The following KHDRBS2 variants were observed in gnomAD, a reference collection of about 807,000 sequenced individuals.
KHDRBS2 encodes the protein KH domain-containing, RNA-binding, signal transduction-associated protein 2.
In KHDRBS2, 26 loss-of-function variants were observed where a neutral mutation model predicts 44.3. That is an observed-to-expected ratio of 0.59 (90% confidence interval 0.43 to 0.81). The LOEUF (loss-of-function observed/expected upper bound fraction) is 0.81, where lower values mean the gene tolerates loss of function less well. KHDRBS2 is among the 40% of genes least tolerant of loss of function. The pLI is 0.00. For missense variants in KHDRBS2, 476 were observed against 433.1 expected, an observed-to-expected ratio of 1.10 and a Z score of -0.88; for synonymous variants, 194 against 151.1, an observed-to-expected ratio of 1.28 and a Z score of -2.08.
the KHDRBS2 span, among the ~76,000 whole-genome samples, chr6:61,561,839 T>C: frequency 6.6e-6 from 1 of 152,212 alleles, no homozygotes; most frequent in South Asian, 2.1e-4. Flanking sequence ...ACATATTTGG[T>C]CTTCATTTTA....
At chr6:61,782,304 T>C (rs1319652430) in intron 6 of KHDRBS2, among the ~76,000 whole-genome samples, 1 of 152,066 alleles carries the variant, frequency 6.6e-6, no homozygotes, top group South Asian at 2.1e-4. Context: ...GGCCAAGTTA[T>C]GTCACTTCAT....
At chr6:62,268,877 A>G (rs1008270694) in intron 1 of KHDRBS2, among the ~76,000 whole-genome samples, 12 of 152,094 alleles carry the variant, frequency 7.9e-5, no homozygotes, top group Non-Finnish European at 1.2e-4. Context: ...GCAGAGGGTC[A>G]ATATTGAAAA....
At chr6:61,960,323 T>A (rs538605132) in intron 4 of KHDRBS2, among the ~76,000 whole-genome samples, 1 of 152,194 alleles carries the variant, frequency 6.6e-6, no homozygotes, top group East Asian at 1.9e-4. Flanking sequence ...AAGATTTATT[T>A]TAAAAAAATC....
chr6:62,063,385 A>T (rs1053303170), intron 2 of KHDRBS2, among the ~76,000 whole-genome samples: 2 of 151,598 alleles, frequency 1.3e-5, no homozygotes, highest in Non-Finnish European at 2.9e-5. Flanking sequence ...CCTCAATAAA[A>T]TACTGGCAAA....
chr6:61,834,855 G>T (rs186719891), intron 6 of KHDRBS2, among the ~76,000 whole-genome samples: 127 of 152,074 alleles, frequency 8.4e-4, no homozygotes, highest in African/African-American at 3.0e-3. Context: ...ACTTAATACA[G>T]ATTTATTTTA....
At chr6:62,059,656 C>T (rs549095383) in intron 2 of KHDRBS2, among the ~76,000 whole-genome samples, 3 of 151,520 alleles carry the variant, frequency 2.0e-5, no homozygotes, top group Non-Finnish European at 2.9e-5. Flanking sequence ...ATTTGAGATG[C>T]CTTCCAAATG....
rs1014845774 is a variant in KHDRBS2 at position 61,955,577 on chromosome 6, T to C, written c.483+22489A>G. On this transcript the variant is annotated intron_variant, in intron 4 of 8. Transcript: ENST00000281156. The stretch of plus-strand genomic sequence containing the variant: ...ATGTATACATGTGTATATATACACG[T>C]ATGTATGTATGTATACATGTGTGTA... 3.8e-4 allele frequency among the ~76,000 whole-genome samples: 31 copies of C among 81,416 alleles called. 7 individuals carry two copies. Among genetic ancestry groups the C allele is most frequent in the African/African-American group, 9.5e-4 (26 of 27,474 alleles). 53.4% of individuals were successfully genotyped at this position (81,416 alleles called of 152,430 possible). A position where few individuals can be genotyped will look rare whatever the true frequency, so the allele number is the denominator to read the frequency against.
At chr6:62,083,396 T>A (rs187856677) in intron 2 of KHDRBS2, among the ~76,000 whole-genome samples, 139 of 152,250 alleles carry the variant, frequency 9.1e-4, no homozygotes, top group African/African-American at 3.2e-3. Flanking sequence ...GCATTTACCA[T>A]CTTCAATTCA....
At chr6:62,283,966 A>G (rs910917854) in intron 1 of KHDRBS2, among the ~76,000 whole-genome samples, 12 of 151,984 alleles carry the variant, frequency 7.9e-5, no homozygotes, top group African/African-American at 2.4e-4. Context: ...GTTTTTCTCT[A>G]TTTAGGAGCT....
intron 2 of KHDRBS2, among the ~76,000 whole-genome samples, chr6:62,069,151 G>A (rs569294096): frequency 6.6e-6 from 1 of 151,618 alleles, no homozygotes; most frequent in Admixed American, 6.6e-5. Context: ...TATAACTTTG[G>A]AGTCCTCAAT....
At chr6:61,752,811 A>C (rs1193826427) in intron 6 of KHDRBS2, among the ~76,000 whole-genome samples, 1 of 152,096 alleles carries the variant, frequency 6.6e-6, no homozygotes, top group African/African-American at 2.4e-5. Flanking sequence ...AATAAATACT[A>C]TAGAAAAAAT....
intron 6 of KHDRBS2, among the ~76,000 whole-genome samples, chr6:61,766,639 A>G (rs773418156): frequency 1.3e-5 from 2 of 151,920 alleles, no homozygotes; most frequent in African/African-American, 4.8e-5. Context: ...GCTGTATCTC[A>G]TAGGTTTTGG....
intron 3 of KHDRBS2, among the ~76,000 whole-genome samples, chr6:61,988,259 G>T (rs577379462): frequency 6.6e-6 from 1 of 152,150 alleles, no homozygotes; most frequent in East Asian, 1.9e-4. Flanking sequence ...GGAAAAGAAG[G>T]CAATTAATCT....
At chr6:61,987,758 C>T (rs1474098084) in intron 3 of KHDRBS2, among the ~76,000 whole-genome samples, 1 of 152,110 alleles carries the variant, frequency 6.6e-6, no homozygotes, top group Non-Finnish European at 1.5e-5. Context: ...CAAATGGATG[C>T]ATATAAGTGC....
At chr6:61,958,270 A>T (rs372980330) in intron 4 of KHDRBS2, among the ~76,000 whole-genome samples, 36 of 152,156 alleles carry the variant, frequency 2.4e-4, no homozygotes, top group African/African-American at 8.4e-4. Flanking sequence ...CAGTCCAGTT[A>T]GTACATGCTG....
chr6:61,992,277 T>C (rs1405628345), intron 3 of KHDRBS2, among the ~76,000 whole-genome samples: 1 of 152,194 alleles, frequency 6.6e-6, no homozygotes, highest in East Asian at 1.9e-4. Flanking sequence ...GCTTACTTGT[T>C]CCATCTTCTG....
At chr6:61,677,745 C>A (rs1359511206), downstream of KHDRBS2, among the ~76,000 whole-genome samples, 1 of 151,884 alleles carries the variant, frequency 6.6e-6, no homozygotes, top group African/African-American at 2.4e-5. Flanking sequence ...TCTCTGTGTA[C>A]TTTTGTAAGT....
intron 6 of KHDRBS2, among the ~76,000 whole-genome samples, chr6:61,893,549 C>T (rs1214533388): frequency 6.6e-6 from 1 of 152,288 alleles, no homozygotes; most frequent in East Asian, 1.9e-4. Context: ...CACATATACA[C>T]CATGGAATAC....
At chr6:61,664,350 C>T in the KHDRBS2 span, among the ~76,000 whole-genome samples, 1 of 151,632 alleles carries the variant, frequency 6.6e-6, no homozygotes, top group South Asian at 2.1e-4. Context: ...CATTGTTATT[C>T]ATTCTAATAT....
Sources: allele counts gnomAD v4.1 joint callset (sites outside exome capture counted in the v4.1 genomes callset), GRCh38; gene constraint gnomAD v4.1.1; transcripts MANE v1.5; gene names NCBI Gene and HGNC (gene_info 2026-07-23, HGNC 2026-07-21).